TDRD12: variants seen among roughly 807,000 people sequenced by gnomAD.
TDRD12 encodes putative ATP-dependent RNA helicase TDRD12.
In TDRD12, 158 loss-of-function variants were observed where a neutral mutation model predicts 133.5. The ratio of observed to expected loss-of-function variants is 1.18; its 90% confidence interval spans 1.04 to 1.35. The LOEUF is 1.35. Among genes scored for constraint, TDRD12 ranks in the 40% most tolerant of loss-of-function variants. TDRD12 has a pLI of 0.00. For missense variants in TDRD12, 1,443 were observed against 1,321.3 expected (o/e 1.09, Z -1.43); for synonymous variants, 460 against 477.9 (o/e 0.96, Z 0.49).
intron 4 of TDRD12, among the ~76,000 whole-genome samples, chr19:32,744,512 AAAAAAAAAAAAAC>A (rs1279719876): frequency 6.7e-6 from 1 of 150,196 alleles, no homozygotes. Flanking sequence ...AAAAAAAAAA[AAAAAAAAAAAAAC>A]AAAAGAATAT....
intron 2 of TDRD12, among the ~76,000 whole-genome samples, chr19:32,736,043 G>A (rs1376466266): frequency 1.3e-5 from 2 of 152,066 alleles, no homozygotes; most frequent in Non-Finnish European, 2.9e-5. Context: ...TCTTTTTAGG[G>A]GCTAATGCAG....
chr19:32,801,875 T>G lies in TDRD12; in HGVS notation c.2197+2T>G. On this transcript the variant is annotated splice_donor_variant, in intron 19 of 27. Coordinates refer to ENST00000444215, the Ensembl canonical transcript of TDRD12. LOFTEE classifies it high-confidence loss of function. Reference sequence around the variant, plus strand: ...GTTCTGGCTCTCAAATTATATTAGGTAAGTGTTTTAATTTCTACTTCTATT... The same window carrying G: ...GTTCTGGCTCTCAAATTATATTAGGGAAGTGTTTTAATTTCTACTTCTATT... The G allele has an allele frequency of 8.5e-7, 1 of 1,172,340 alleles. No homozygotes were observed. 72.6% of individuals were successfully genotyped at this position (1,172,340 alleles called of 1,614,324 possible). A position where few individuals can be genotyped will look rare whatever the true frequency, so the allele number is the denominator to read the frequency against.
exon 5 of TDRD12, chr19:32,748,502 C>T (rs1969724000): frequency 1.9e-6 from 3 of 1,551,658 alleles, no homozygotes; most frequent in Non-Finnish European, 2.6e-6. Context: ...GACAATGCAG[C>T]TATTCAGTAC....
At chr19:32,721,941 T>C (rs1214494271) in intron 1 of TDRD12, among the ~76,000 whole-genome samples, 2 of 143,894 alleles carry the variant, frequency 1.4e-5, no homozygotes, top group African/African-American at 5.2e-5. Flanking sequence ...TGGTCTCCAT[T>C]TCCTGACCTC....
intron 3 of TDRD12, 107 bp from the exon 4 acceptor site, chr19:32,742,674 G>A (rs1969466203): frequency 8.5e-7 from 1 of 1,173,414 alleles, no homozygotes; most frequent in African/African-American, 1.6e-5. Context: ...ATTGTTTTTT[G>A]TGTGTTTTGT....
At chr19:32,768,953 G>A (rs1444056595) in intron 8 of TDRD12, among the ~76,000 whole-genome samples, 1 of 151,892 alleles carries the variant, frequency 6.6e-6, no homozygotes, top group Non-Finnish European at 1.5e-5. Context: ...ATGCTGGCCA[G>A]GCTGGTCTCA....
chr19:32,810,756 G>A (rs191994789), intron 23 of TDRD12, among the ~76,000 whole-genome samples: 188 of 152,224 alleles, frequency 1.2e-3, no homozygotes, highest in Admixed American at 3.5e-3. Context: ...GACAGGTGAC[G>A]TTGCTCATGC....
In TDRD12 at chr19:32,817,812, C is replaced by T. The variant is rs7256063; in HGVS notation, c.3315-277C>T. ...CTCTTCAGGGCTCTTCCGGGCGTGC[C>T]TCTGTGCGCTTGTGCAATTCTAAAT... is the stretch of plus-strand genomic sequence containing the variant. On this transcript the variant is annotated intron_variant, in intron 26 of 27. Coordinates refer to ENST00000444215, the Ensembl canonical transcript of TDRD12. 2.8e-3 allele frequency among the ~76,000 whole-genome samples: 424 copies of T among 150,706 alleles called. 2 individuals carry two copies. Among genetic ancestry groups the T allele is most frequent in the African/African-American group, 0.01 (413 of 40,942 alleles).
intron 11 of TDRD12, among the ~76,000 whole-genome samples, chr19:32,778,342 C>A (rs1409777812): frequency 6.6e-6 from 1 of 152,118 alleles, no homozygotes; most frequent in Non-Finnish European, 1.5e-5. Flanking sequence ...CTGACACCCC[C>A]CTCCCAGGGC....
intron 1 of TDRD12, among the ~76,000 whole-genome samples, chr19:32,722,703 G>A (rs1418010463): frequency 4.9e-5 from 7 of 142,536 alleles, no homozygotes; most frequent in Non-Finnish European, 7.5e-5. Flanking sequence ...TTTTTGAGAC[G>A]GCGTCTCGCT....
chr19:32,743,270 C>T (rs568550004), intron 4 of TDRD12, among the ~76,000 whole-genome samples: 1 of 152,362 alleles, frequency 6.6e-6, no homozygotes, highest in African/African-American at 2.4e-5. Flanking sequence ...CAGCTTCACC[C>T]TCCTGGGTTC....
chr19:32,797,750 G>A lies in TDRD12; in HGVS notation c.1489G>A (p.Val497Met), dbSNP rs565199072. The change falls in exon 15 of 28, where the codon GTG (valine) becomes ATG (methionine). Residue 497 changes from valine (V) to methionine (M), a missense_variant. Transcript: ENST00000444215. The stretch of plus-strand genomic sequence containing the variant: ...GTCTTCGCAGCCTCTCGCAGTCATC[G>A]TGTGCCCTGGGTGGAAGAAGGCCCA... The A allele has an allele frequency of 2.8e-4, 196 of 692,692 alleles. 1 individual carries two copies. The highest frequency in any genetic ancestry group is 2.5e-3 in the African/African-American group (143 of 56,578). 42.9% of individuals were successfully genotyped at this position (692,692 alleles called of 1,614,324 possible).
intron 8 of TDRD12, 70 bp downstream of exon 8, chr19:32,757,200 G>A: frequency 7.7e-7 from 1 of 1,294,086 alleles, no homozygotes; most frequent in South Asian, 1.3e-5. Flanking sequence ...TTAAAGATTA[G>A]AAAGGTTGTC....
At chr19:32,748,873 C>G (rs1969736924) in intron 5 of TDRD12, among the ~76,000 whole-genome samples, 1 of 152,236 alleles carries the variant, frequency 6.6e-6, no homozygotes. Context: ...GATGAAAAAC[C>G]TAGCATTTTT....
chr19:32,725,694 A>G (rs1043386985), intron 1 of TDRD12, among the ~76,000 whole-genome samples: 3 of 152,086 alleles, frequency 2.0e-5, no homozygotes, highest in African/African-American at 4.8e-5. Flanking sequence ...TCGTGGCTAT[A>G]TGGACTCTTT....
At chr19:32,733,097 G>A (rs1362830155) in intron 2 of TDRD12, among the ~76,000 whole-genome samples, 1 of 152,182 alleles carries the variant, frequency 6.6e-6, no homozygotes, top group Non-Finnish European at 1.5e-5. Flanking sequence ...ACTTGAGCCT[G>A]GGAGGTAATA....
At chr19:32,722,677 AAAT>A (rs1599816893) in intron 1 of TDRD12, among the ~76,000 whole-genome samples, 1 of 117,548 alleles carries the variant, frequency 8.5e-6, no homozygotes, top group Admixed American at 8.6e-5. Context: ...TATTTAAAAA[AAAT>A]TTTTTTTTTT....
At chr19:32,722,221 C>T (rs1307833403) in intron 1 of TDRD12, among the ~76,000 whole-genome samples, 1 of 152,192 alleles carries the variant, frequency 6.6e-6, no homozygotes, top group Non-Finnish European at 1.5e-5. Context: ...CCGATTTCTT[C>T]TTTAGAAGAG....
intron 14 of TDRD12, 133 bp downstream of exon 14, chr19:32,794,946 T>C: frequency 1.6e-6 from 1 of 610,270 alleles, no homozygotes; most frequent in African/African-American, 1.8e-5. Context: ...AACTGTCCTG[T>C]GGGAAAGTGT....
Sources: gnomAD v4.1 joint callset for allele counts (sites outside exome capture counted in the v4.1 genomes callset) on GRCh38, gnomAD v4.1.1 for gene constraint, MANE v1.5 for transcripts, NCBI Gene and HGNC (gene_info 2026-07-23, HGNC 2026-07-21) for gene names.